The following KRABD3 variants were observed in gnomAD, a reference collection of about 807,000 sequenced individuals.
The protein encoded by KRABD3 is KRAB domain containing 3.
At chr7:149,723,075 G>A in the KRABD3 span, 1 of 856,284 alleles carries the variant, frequency 1.2e-6, no homozygotes, top group Non-Finnish European at 1.7e-6. Context: ...CTGCTGTGTT[G>A]CCAGTGTCAC....
the KRABD3 span, chr7:149,729,621 G>C: frequency 2.0e-6 from 2 of 985,462 alleles, no homozygotes; most frequent in Non-Finnish European, 2.4e-6. Flanking sequence ...CAGTGGAGAA[G>C]CTTCTTGAGG....
At chr7:149,729,294 C>T in the KRABD3 span, 34 of 1,601,182 alleles carry the variant, frequency 2.1e-5, no homozygotes, top group South Asian at 1.1e-4. Context: ...CCTCCAGCTG[C>T]GTCCCCGCCT....
the KRABD3 span, chr7:149,715,206 G>A: frequency 8.2e-7 from 1 of 1,218,884 alleles, no homozygotes. Flanking sequence ...GTTCGTGCCG[G>A]GAAGTTCAGG....
chr7:149,734,303 T>C, the KRABD3 span: 1 of 518,490 alleles, frequency 1.9e-6, no homozygotes, highest in Non-Finnish European at 3.4e-6. Flanking sequence ...CTCTCCTGTC[T>C]TTCCCACTGG....
the KRABD3 span, chr7:149,730,544 A>G: frequency 1.2e-6 from 2 of 1,612,166 alleles, no homozygotes; most frequent in Non-Finnish European, 1.7e-6. Flanking sequence ...AACAGAGCCC[A>G]GGTACTGCAG....
chr7:149,733,124 G>A, the KRABD3 span: 1 of 1,484,128 alleles, frequency 6.7e-7, no homozygotes, highest in Non-Finnish European at 9.0e-7. Flanking sequence ...AGAGTACTGA[G>A]CGCCCTTGGT....
At chr7:149,728,783 G>C in the KRABD3 span, 2 of 1,253,466 alleles carry the variant, frequency 1.6e-6, no homozygotes, top group Non-Finnish European at 2.2e-6. Flanking sequence ...TGGTGCTCTG[G>C]AAACAGACCT....
chr7:149,733,361 C>G, the KRABD3 span: 1 of 1,612,198 alleles, frequency 6.2e-7, no homozygotes, highest in Non-Finnish European at 8.5e-7. Flanking sequence ...GCAGCAGGAG[C>G]TGCACAGCCT....
the KRABD3 span, chr7:149,722,280 A>G: frequency 3.6e-6 from 4 of 1,114,546 alleles, no homozygotes; most frequent in Non-Finnish European, 5.2e-6. Flanking sequence ...AACCAGAAAG[A>G]AACGGTAAAG....
At chr7:149,718,932 C>T in the KRABD3 span, among the ~76,000 whole-genome samples, 18,665 of 152,252 alleles carry the variant, frequency 0.12, 1,216 homozygotes, top group Middle Eastern at 0.23. Context: ...GTAAAGGAGC[C>T]TGGTGACCCA....
the KRABD3 span, among the ~76,000 whole-genome samples, chr7:149,728,013 G>A: frequency 6.6e-6 from 1 of 152,258 alleles, no homozygotes; most frequent in Non-Finnish European, 1.5e-5. Context: ...TAGAGTTTCA[G>A]TCCATCTAGT....
chr7:149,719,882 C>A, the KRABD3 span: 2 of 1,269,308 alleles, frequency 1.6e-6, no homozygotes, highest in Non-Finnish European at 2.1e-6. This position sits in a 1 kb window ranked among gnomAD's most constrained non-coding sequence, Gnocchi z 5.6. Flanking sequence ...GACCACTCTG[C>A]GGTTCTTTGA....
At chr7:149,719,234 G>T in the KRABD3 span, among the ~76,000 whole-genome samples, 3 of 152,170 alleles carry the variant, frequency 2.0e-5, no homozygotes, top group Admixed American at 2.0e-4. This position sits in a 1 kb window ranked among gnomAD's most constrained non-coding sequence, Gnocchi z 5.6. Flanking sequence ...TTCTGATAAG[G>T]AATGAGTCAT....
At chr7:149,725,319 C>G in the KRABD3 span, 44 of 1,583,804 alleles carry the variant, frequency 2.8e-5, no homozygotes, top group Non-Finnish European at 1.4e-5. Context: ...TTCCAGCTGC[C>G]AGTGCCTCAA....
the KRABD3 span, among the ~76,000 whole-genome samples, chr7:149,731,106 C>T: frequency 1.3e-5 from 2 of 152,120 alleles, no homozygotes; most frequent in African/African-American, 2.4e-5. Flanking sequence ...TTAGAGAGTA[C>T]CTGCTGTCCT....
chr7:149,723,533 C>T, the KRABD3 span: 11 of 565,216 alleles, frequency 1.9e-5, no homozygotes, highest in Admixed American at 1.6e-4. Flanking sequence ...GCCTGCAGGG[C>T]GAATTCCATG....
At chr7:149,724,663 C>G in the KRABD3 span, 1 of 1,539,910 alleles carries the variant, frequency 6.5e-7, no homozygotes. Flanking sequence ...GCCTGGATAC[C>G]TCCTGACCCC....
chr7:149,724,658 GAT>G, the KRABD3 span: 6 of 1,531,380 alleles, frequency 3.9e-6, no homozygotes, highest in Admixed American at 8.1e-5. Flanking sequence ...GCAGGGCCTG[GAT>G]ACCTCCTGAC....
chr7:149,733,264 C>G, the KRABD3 span: 22 of 1,612,254 alleles, frequency 1.4e-5, no homozygotes, highest in Non-Finnish European at 1.8e-5. Context: ...GTGAGTCTCC[C>G]CCTCCGGAGC....
Sources: allele counts gnomAD v4.1 joint callset (sites outside exome capture counted in the v4.1 genomes callset), GRCh38; gene constraint gnomAD v4.1.1; non-coding constraint Gnocchi (gnomAD v3.1); transcripts MANE v1.5; gene names NCBI Gene and HGNC (gene_info 2026-07-23, HGNC 2026-07-21).